Variants in TPH2 observed in about 807,000 individuals in gnomAD.
TPH2 encodes tryptophan 5-hydroxylase 2.
In TPH2, 27 loss-of-function variants were observed where a neutral mutation model predicts 59.1. The observed-to-expected ratio is 0.46, with a 90% CI of 0.34 to 0.63. TPH2 has a LOEUF of 0.63. Ranked by LOEUF, TPH2 falls within the 30% of genes least tolerant of loss-of-function variation. The pLI is 0.01. For missense variants in TPH2, 523 were observed against 588.3 expected, an observed-to-expected ratio of 0.89 and a Z score of 1.15; for synonymous variants, 220 against 210.5, an observed-to-expected ratio of 1.05 and a Z score of -0.39.
intron 9 of TPH2, among the ~76,000 whole-genome samples, chr12:72,024,536 A>G (rs1240787191): frequency 6.6e-6 from 1 of 152,270 alleles, no homozygotes. Flanking sequence ...CATATCCCCA[A>G]TAAGGGCATG....
rs140808521 is a variant in TPH2 at position 72,010,756 on chromosome 12, T to C, written c.1069-11643T>C. 2.0e-3 allele frequency among the ~76,000 whole-genome samples: 306 copies of C among 152,226 alleles called. 1 individual carries two copies. The highest frequency in any genetic ancestry group is 3.6e-3 in the Non-Finnish European group (243 of 67,984). ...GGCAGTGGTGACTACCCACAGCTCA[T>C]GTGGGAGTCAGTAAAAACCTCATTT... On this transcript the variant is annotated intron_variant, in intron 8 of 10. Coordinates refer to ENST00000333850, the MANE Select transcript of TPH2 (RefSeq NM_173353.4).
intron 9 of TPH2, among the ~76,000 whole-genome samples, chr12:72,026,153 A>C (rs1873562395): frequency 6.6e-6 from 1 of 152,140 alleles, no homozygotes; most frequent in Non-Finnish European, 1.5e-5. Flanking sequence ...CTCCTTTTTC[A>C]TGAGTAAAGG....
At chr12:71,951,878 A>G (rs1432868792) in intron 5 of TPH2, among the ~76,000 whole-genome samples, 1 of 152,114 alleles carries the variant, frequency 6.6e-6, no homozygotes, top group Non-Finnish European at 1.5e-5. Context: ...ATACAAAATT[A>G]ACCAGGCATG....
chr12:72,013,024 T>C (rs1302133476), intron 8 of TPH2, among the ~76,000 whole-genome samples: 3 of 152,040 alleles, frequency 2.0e-5, no homozygotes, highest in Admixed American at 2.0e-4. Context: ...CACAGAAAAA[T>C]TCAGACTAAA....
intron 5 of TPH2, among the ~76,000 whole-genome samples, chr12:71,952,347 C>T (rs918220185): frequency 6.6e-6 from 1 of 152,120 alleles, no homozygotes; most frequent in African/African-American, 2.4e-5. Context: ...ATTCCAGGAT[C>T]TGGTCCCAGT....
At chr12:71,948,165 T>A (rs189880800) in intron 4 of TPH2, among the ~76,000 whole-genome samples, 1 of 142,586 alleles carries the variant, frequency 7.0e-6, no homozygotes, top group East Asian at 1.9e-4. Context: ...TTATTTTATT[T>A]TATTATTATT....
intron 9 of TPH2, among the ~76,000 whole-genome samples, chr12:72,027,662 A>G (rs1873606869): frequency 1.3e-5 from 2 of 152,206 alleles, no homozygotes; most frequent in African/African-American, 4.8e-5. Flanking sequence ...AATTTTTGAT[A>G]TTGAAAAGAA....
chr12:72,019,436 C>T (rs982436964), intron 8 of TPH2, among the ~76,000 whole-genome samples: 1 of 152,270 alleles, frequency 6.6e-6, no homozygotes, highest in East Asian at 1.9e-4. Context: ...TGCTGTCCCC[C>T]CTTCTAGGAA....
At chr12:71,944,251 T>A (rs1033735588) in intron 2 of TPH2, 43 bp from the exon 3 acceptor site, 1 of 1,610,090 alleles carries the variant, frequency 6.2e-7, no homozygotes, top group Non-Finnish European at 8.5e-7. Context: ...GCATTCCTTT[T>A]ATTGTCCCTG....
chr12:71,979,787 G>A (rs554169704), intron 7 of TPH2, among the ~76,000 whole-genome samples: 4 of 152,342 alleles, frequency 2.6e-5, no homozygotes, highest in African/African-American at 4.8e-5. Context: ...CTAATCACAC[G>A]TGGGATTGTA....
intron 5 of TPH2, among the ~76,000 whole-genome samples, chr12:71,953,226 T>C (rs1871400262): frequency 2.0e-5 from 3 of 151,896 alleles, no homozygotes; most frequent in Admixed American, 2.0e-4. Context: ...TGTGAGTGGA[T>C]GAACTGAGGA....
chr12:71,991,182 G>A (rs1268848049), intron 7 of TPH2, among the ~76,000 whole-genome samples: 23 of 152,160 alleles, frequency 1.5e-4, no homozygotes, highest in Non-Finnish European at 5.9e-5. Context: ...TGGATCTCTA[G>A]TATTTTCCTA....
intron 8 of TPH2, among the ~76,000 whole-genome samples, chr12:72,005,947 T>TA (rs1050310156): frequency 6.6e-6 from 1 of 152,196 alleles, no homozygotes; most frequent in African/African-American, 2.4e-5. Context: ...ATCATAAACA[T>TA]ACATCTGTCA....
At chr12:72,016,387 G>T (rs764940088) in intron 8 of TPH2, among the ~76,000 whole-genome samples, 1 of 151,898 alleles carries the variant, frequency 6.6e-6, no homozygotes, top group Admixed American at 6.6e-5. Flanking sequence ...TATTTTTCTT[G>T]TTCCCCTTCT....
At chr12:72,031,491 C>T in intron 10 of TPH2, 30 bp from the exon 11 acceptor site, 4 of 1,613,140 alleles carry the variant, frequency 2.5e-6, no homozygotes, top group Non-Finnish European at 2.5e-6. Context: ...GGGTTGATCA[C>T]ATCTCTTTCT....
intron 10 of TPH2, 37 bp from the exon 11 acceptor site, chr12:72,031,484 T>A: frequency 1.9e-6 from 3 of 1,612,476 alleles, no homozygotes; most frequent in Non-Finnish European, 2.5e-6. Flanking sequence ...CCAATGAGGG[T>A]TGATCACATC....
Position 71,949,622 on chromosome 12 carries a change from A to C in TPH2, c.575A>C (p.Lys192Thr), listed in dbSNP as rs1385160650. 2.5e-6 allele frequency: 4 copies of C among 1,613,272 alleles called. No homozygotes were observed. The South Asian group carries it at 4.4e-5, about 18-fold the overall frequency. Reference protein sequence around the residue: ...FKDNVYRQRRKYFVDVAMGYK... With the variant: ...FKDNVYRQRRTYFVDVAMGYK... Reference sequence around the variant, plus strand: ...GACAATGTCTATCGACAGAGAAGAAAGTATTTTGTGGATGTGGCCATGGGT... The same window carrying C: ...GACAATGTCTATCGACAGAGAAGAACGTATTTTGTGGATGTGGCCATGGGT... Residue 192 changes from lysine to threonine, a missense_variant, in exon 5 of 11, where the codon AAG becomes ACG. Lys to Thr is a moderately conservative substitution (Grantham distance 78). Coordinates refer to ENST00000333850, the MANE Select transcript of TPH2 (RefSeq NM_173353.4).
intron 7 of TPH2, among the ~76,000 whole-genome samples, chr12:71,984,673 T>C (rs745617848): frequency 1.2e-3 from 180 of 152,346 alleles, no homozygotes; most frequent in Non-Finnish European, 2.0e-3. Context: ...GTGCCAAGCC[T>C]CCTGCTCATC....
chr12:71,976,436 T>G (rs1872119504), intron 6 of TPH2, among the ~76,000 whole-genome samples: 1 of 152,206 alleles, frequency 6.6e-6, no homozygotes, highest in Non-Finnish European at 1.5e-5. Flanking sequence ...AACAGAAACT[T>G]TTAAAGCAAT....
Sources: allele counts gnomAD v4.1 joint callset (sites outside exome capture counted in the v4.1 genomes callset), GRCh38; gene constraint gnomAD v4.1.1; transcripts MANE v1.5; gene names NCBI Gene and HGNC (gene_info 2026-07-23, HGNC 2026-07-21).